PLEKHH2: variants seen among roughly 807,000 people sequenced by gnomAD.
PLEKHH2 encodes the protein pleckstrin homology domain-containing family H member 2.
In PLEKHH2, 129 loss-of-function variants were observed where a neutral mutation model predicts 187.9. The ratio of observed to expected loss-of-function variants is 0.69; its 90% confidence interval spans 0.59 to 0.79. The LOEUF (loss-of-function observed/expected upper bound fraction) is 0.79. Ranked by LOEUF, PLEKHH2 falls within the 30% of genes least tolerant of loss-of-function variation. The pLI is 0.00. For missense variants in PLEKHH2, 2,076 were observed against 1,751.2 expected (o/e 1.19, Z -3.31); for synonymous variants, 686 against 605.6 (o/e 1.13, Z -1.95).
At chr2:43,658,347 T>G (rs75621263) in intron 2 of PLEKHH2, among the ~76,000 whole-genome samples, 2,182 of 152,358 alleles carry the variant, frequency 0.014, 22 homozygotes, top group Non-Finnish European at 0.02. Context: ...TCTCTTCTAC[T>G]GGGTTCAGAG....
At chr2:43,735,750 A>G (rs778624688) in intron 19 of PLEKHH2, among the ~76,000 whole-genome samples, 1 of 152,250 alleles carries the variant, frequency 6.6e-6, no homozygotes, top group African/African-American at 2.4e-5. Flanking sequence ...ATATTAAATT[A>G]TGACTGAAAG....
chr2:43,677,890 A>C (rs1572535520), intron 2 of PLEKHH2, among the ~76,000 whole-genome samples: 1 of 129,976 alleles, frequency 7.7e-6, no homozygotes, highest in African/African-American at 3.0e-5. Context: ...TGATCTCCCC[A>C]CCTCCCTCCA....
chr2:43,658,970 TTTC>T (rs1305721313), intron 2 of PLEKHH2: 1 of 122,224 alleles, frequency 8.2e-6, no homozygotes, highest in African/African-American at 3.2e-5. Context: ...CTTTTTTTTC[TTTC>T]TTTTTTTTTT....
At chr2:43,681,080 A>C in intron 3 of PLEKHH2, 1 of 1,210,334 alleles carries the variant, frequency 8.3e-7, no homozygotes, top group Non-Finnish European at 1.2e-6. Context: ...CTGTTCCACT[A>C]TTTGAATGCC....
intron 2 of PLEKHH2, among the ~76,000 whole-genome samples, chr2:43,649,917 T>A (rs1271216129): frequency 1.3e-5 from 2 of 152,082 alleles, no homozygotes; most frequent in African/African-American, 4.8e-5. Flanking sequence ...TACAATCCCT[T>A]TAACAATGAG....
intron 29 of PLEKHH2, among the ~76,000 whole-genome samples, 177 bp from the exon 30 acceptor site, chr2:43,765,236 T>C (rs1012592411): frequency 6.6e-6 from 1 of 152,190 alleles, no homozygotes; most frequent in Non-Finnish European, 1.5e-5. Context: ...TGAAAAAACG[T>C]GTGGCTGCCT....
At chr2:43,721,991 C>T (rs1490094109) in intron 16 of PLEKHH2, among the ~76,000 whole-genome samples, 1 of 151,960 alleles carries the variant, frequency 6.6e-6, no homozygotes, top group Non-Finnish European at 1.5e-5. Flanking sequence ...TCAATGTAAT[C>T]CTAACTCATC....
intron 2 of PLEKHH2, among the ~76,000 whole-genome samples, chr2:43,669,136 C>T (rs181221811): frequency 6.6e-6 from 1 of 152,156 alleles, no homozygotes; most frequent in Admixed American, 6.6e-5. Flanking sequence ...TCATGGAGTT[C>T]CAGCAATCTG....
chr2:43,719,685 C>T (rs1287194471), intron 15 of PLEKHH2, among the ~76,000 whole-genome samples: 2 of 152,322 alleles, frequency 1.3e-5, no homozygotes, highest in South Asian at 2.1e-4. Context: ...GGTGATCCAC[C>T]GCCTCGGCCT....
At chr2:43,692,707 T>C in intron 4 of PLEKHH2, 44 bp downstream of exon 4, 1 of 1,554,760 alleles carries the variant, frequency 6.4e-7, no homozygotes, top group South Asian at 1.2e-5. Flanking sequence ...GTGCACTCAT[T>C]TGTGCATAAT....
At position 43,675,678 on chromosome 2, in the gene PLEKHH2, A is replaced by G. The variant is rs753946178; in HGVS notation, c.124-3185A>G. The G allele has an allele frequency of 3.1e-6, 5 of 1,613,966 alleles. No homozygotes were observed. In the African/African-American group the frequency reaches 6.7e-5, roughly 22 times the overall value. On this transcript the variant is annotated intron_variant, in intron 2 of 29. Transcript: ENST00000282406. ...GGCATATTGCCAGCTGCTTATCTTC[A>G]GATAACTTCCAAATCACACTTTGAT... is the stretch of plus-strand genomic sequence containing the variant.
chr2:43,706,494 A>G (rs745437658), intron 10 of PLEKHH2, 78 bp downstream of exon 10: 2 of 1,053,686 alleles, frequency 1.9e-6, no homozygotes, highest in Non-Finnish European at 2.8e-6. Context: ...CAAGCTCCAG[A>G]TTCCATTCTT....
In PLEKHH2 at chr2:43,648,978, C is replaced by G. The variant is rs1292322327; in HGVS notation, c.123+4182C>G. On this transcript the variant is annotated intron_variant, in intron 2 of 29. Coordinates refer to ENST00000282406, the MANE Select transcript of PLEKHH2 (RefSeq NM_172069.4). ...TGTTTTTATAATTAGAGATGAATTT[C>G]AATTATATATGCCCTATATTTTTGG... Among the ~76,000 whole-genome samples, 3 of 152,242 alleles carry G rather than the reference C, an allele frequency of 2.0e-5. No homozygotes were observed. In the East Asian group the frequency reaches 5.8e-4, roughly 29 times the overall value.
At chr2:43,678,345 C>T (rs982017813) in intron 2 of PLEKHH2, among the ~76,000 whole-genome samples, 17 of 152,236 alleles carry the variant, frequency 1.1e-4, no homozygotes, top group African/African-American at 3.1e-4. Flanking sequence ...GCACTTTGGG[C>T]GGCCAAGGCA....
chr2:43,675,773 C>T (rs1667726113), intron 2 of PLEKHH2: 1 of 1,613,684 alleles, frequency 6.2e-7, no homozygotes, highest in Non-Finnish European at 8.5e-7. Flanking sequence ...AAGACAATCC[C>T]TCCTTCCACA....
chr2:43,726,077 G>C (rs184915876), intron 16 of PLEKHH2, among the ~76,000 whole-genome samples, 195 bp from the exon 17 acceptor site: 1 of 148,360 alleles, frequency 6.7e-6, no homozygotes, highest in Non-Finnish European at 1.5e-5. Flanking sequence ...TACTGATTGC[G>C]CCACTGCACT....
chr2:43,758,789 A>G, intron 26 of PLEKHH2, 111 bp from the exon 27 acceptor site: 1 of 876,188 alleles, frequency 1.1e-6, no homozygotes, highest in Non-Finnish European at 1.6e-6. Flanking sequence ...ATGCCTAGGG[A>G]TCACAGTTAT....
chr2:43,654,716 C>G (rs766870576), intron 2 of PLEKHH2, among the ~76,000 whole-genome samples: 17 of 134,032 alleles, frequency 1.3e-4, no homozygotes, highest in Non-Finnish European at 2.6e-4. Flanking sequence ...CCCCCCCCCC[C>G]GCATCTCTAC....
At chr2:43,696,334 G>A (rs1204999710) in intron 6 of PLEKHH2, among the ~76,000 whole-genome samples, 1 of 151,746 alleles carries the variant, frequency 6.6e-6, no homozygotes, top group African/African-American at 2.4e-5. Context: ...TTAATTAGCT[G>A]GCCATGGTGG....
Sources: allele counts gnomAD v4.1 joint callset (sites outside exome capture counted in the v4.1 genomes callset), GRCh38; gene constraint gnomAD v4.1.1; transcripts MANE v1.5; gene names NCBI Gene and HGNC (gene_info 2026-07-23, HGNC 2026-07-21).